The following UNC13C variants were observed in gnomAD, a reference collection of about 807,000 sequenced individuals.
UNC13C encodes protein unc-13 homolog C.
A neutral mutation model predicts 245.4 loss-of-function variants in UNC13C; 174 were observed. That is an observed-to-expected ratio of 0.71 (90% CI 0.63 to 0.80). The LOEUF (loss-of-function observed/expected upper bound fraction) is 0.80, where lower values mean the gene tolerates loss of function less well. Ranked by LOEUF, UNC13C falls within the 30% of genes least tolerant of loss-of-function variation. UNC13C has a pLI of 0.00. For missense variants in UNC13C, 2,829 were observed against 2,602.9 expected, an observed-to-expected ratio of 1.09 and a Z score of -1.89; for synonymous variants, 992 against 895.1, an observed-to-expected ratio of 1.11 and a Z score of -1.93.
intron 19 of UNC13C, among the ~76,000 whole-genome samples, chr15:54,443,529 G>T (rs546711840): frequency 1.3e-5 from 2 of 152,058 alleles, no homozygotes; most frequent in East Asian, 3.9e-4. Context: ...CTTTTTTGAT[G>T]TCAGCATTTA....
chr15:54,056,146 A>C (rs148302927), intron 2 of UNC13C, among the ~76,000 whole-genome samples: 124 of 152,312 alleles, frequency 8.1e-4, no homozygotes, highest in African/African-American at 2.9e-3. Flanking sequence ...AAGGCTTCAG[A>C]AGCTCAAACT....
intron 2 of UNC13C, among the ~76,000 whole-genome samples, chr15:54,104,195 A>G (rs1595860188): frequency 6.6e-6 from 1 of 152,164 alleles, no homozygotes; most frequent in Non-Finnish European, 1.5e-5. Context: ...GTTAGCACTC[A>G]TTCTAGGAAT....
rs141632208 is a variant in UNC13C, at chr15:54,418,545, T to C, written c.4933+3478T>C. 1.8e-4 allele frequency among the ~76,000 whole-genome samples: 28 copies of C among 152,190 alleles called. 1 individual carries two copies. Among genetic ancestry groups the C allele is most frequent in the Admixed American group, 1.0e-3 (16 of 15,274 alleles). On this transcript the variant is annotated intron_variant, in intron 19 of 32. Coordinates refer to ENST00000260323, the MANE Select transcript of UNC13C (RefSeq NM_001080534.3). Reference sequence around the variant, plus strand: ...TATATCTTATGAGCACCTGGTGCATTTAGGGCTTTCGAAGAGATTAGACAC... The same window carrying C: ...TATATCTTATGAGCACCTGGTGCATCTAGGGCTTTCGAAGAGATTAGACAC...
At chr15:54,375,927 A>ACAG (rs1273988280) in intron 17 of UNC13C, among the ~76,000 whole-genome samples, 1 of 152,238 alleles carries the variant, frequency 6.6e-6, no homozygotes, top group African/African-American at 2.4e-5. Flanking sequence ...AATTTGTTAC[A>ACAG]CAGCAAAAGA....
At chr15:53,985,042 C>T (rs1009260198) in intron 1 of UNC13C, among the ~76,000 whole-genome samples, 9 of 151,900 alleles carry the variant, frequency 5.9e-5, no homozygotes, top group African/African-American at 1.9e-4. Context: ...CATAGGTATA[C>T]GTGTTCATGG....
At chr15:54,398,847 C>G (rs1047862653) in intron 18 of UNC13C, among the ~76,000 whole-genome samples, 1 of 151,424 alleles carries the variant, frequency 6.6e-6, no homozygotes, top group East Asian at 1.9e-4. Flanking sequence ...TGTCTTCTCT[C>G]TTTTGTTCTG....
At chr15:53,955,027 A>G in the UNC13C span, among the ~76,000 whole-genome samples, 1 of 152,200 alleles carries the variant, frequency 6.6e-6, no homozygotes, top group Non-Finnish European at 1.5e-5. Context: ...GGCTCTACTT[A>G]TAACATTTTC....
chr15:54,251,760 T>A (rs1043146836), intron 8 of UNC13C, among the ~76,000 whole-genome samples: 1 of 152,168 alleles, frequency 6.6e-6, no homozygotes, highest in African/African-American at 2.4e-5. Context: ...CAATGTAAGA[T>A]ATGTGGATTG....
At chr15:54,271,047 T>C (rs1360049687) in intron 10 of UNC13C, among the ~76,000 whole-genome samples, 1 of 152,206 alleles carries the variant, frequency 6.6e-6, no homozygotes, top group Non-Finnish European at 1.5e-5. Context: ...ATTTTAATGC[T>C]AAATAATTTC....
chr15:53,930,213 C>A, the UNC13C span, among the ~76,000 whole-genome samples: 1 of 152,154 alleles, frequency 6.6e-6, no homozygotes, highest in African/African-American at 2.4e-5. Context: ...TGGCCCCTTT[C>A]TTCATGGCCT....
At chr15:53,886,346 A>T in the UNC13C span, among the ~76,000 whole-genome samples, 1 of 152,030 alleles carries the variant, frequency 6.6e-6, no homozygotes, top group Non-Finnish European at 1.5e-5. Context: ...ACAAAAACAA[A>T]CCCAAACCTA....
intron 2 of UNC13C, among the ~76,000 whole-genome samples, chr15:54,085,319 G>A (rs890892936): frequency 6.6e-6 from 1 of 152,108 alleles, no homozygotes; most frequent in African/African-American, 2.4e-5. Flanking sequence ...TTGCACTTTT[G>A]ACAGGCCCTT....
At position 54,415,034 on chromosome 15, in the gene UNC13C, C is replaced by G; in HGVS notation, c.4900C>G (p.Leu1634Val). Residue 1634 changes from leucine (L) to valine (V), a missense_variant, in exon 19 of 33, where the codon CTT (leucine) becomes GTT (valine). Transcript: ENST00000260323. ...GKISAEIMWT[L>V]FALDMKYALE... is the part of the protein sequence containing the mutation. ...AATAAGTGCCGAAATTATGTGGACT[C>G]TTTTTGCTCTGGATATGAAATATGC... The G allele has an allele frequency of 6.2e-7, 1 of 1,612,490 alleles. No individual in the cohort carries two copies. Among genetic ancestry groups the G allele is most frequent in the Admixed American group, 1.7e-5 (1 of 59,842 alleles).
chr15:54,550,810 C>T (rs1370179900), intron 28 of UNC13C, among the ~76,000 whole-genome samples: 1 of 152,112 alleles, frequency 6.6e-6, no homozygotes, highest in Admixed American at 6.6e-5. Context: ...TTATTACCTC[C>T]CTGGGATTTC....
chr15:53,952,433 T>TC, the UNC13C span, among the ~76,000 whole-genome samples: 2 of 152,234 alleles, frequency 1.3e-5, no homozygotes, highest in Non-Finnish European at 2.9e-5. Flanking sequence ...GTTCATTCTC[T>TC]CTTCCCCCAT....
At chr15:53,846,356 A>G in the UNC13C span, among the ~76,000 whole-genome samples, 2 of 152,140 alleles carry the variant, frequency 1.3e-5, no homozygotes, top group South Asian at 4.1e-4. Flanking sequence ...ATCAAGTTCA[A>G]TTTTTATGGT....
At chr15:54,241,198 G>C (rs560107379) in intron 7 of UNC13C, among the ~76,000 whole-genome samples, 2 of 152,270 alleles carry the variant, frequency 1.3e-5, no homozygotes, top group Admixed American at 1.3e-4. Flanking sequence ...TGTTGGTTCT[G>C]TCTGGGTTGA....
chr15:54,632,533 T>C (rs898324700), downstream of UNC13C: 5 of 152,240 alleles, frequency 3.3e-5, no homozygotes, highest in African/African-American at 4.8e-5. Flanking sequence ...GAGTTAAGGT[T>C]CATCTATAAT....
At chr15:54,151,744 C>T (rs1424751407) in intron 4 of UNC13C, among the ~76,000 whole-genome samples, 1 of 152,156 alleles carries the variant, frequency 6.6e-6, no homozygotes, top group Non-Finnish European at 1.5e-5. Flanking sequence ...CCACGATGCA[C>T]ACAATGGTTC....
Sources: allele counts gnomAD v4.1 joint callset (sites outside exome capture counted in the v4.1 genomes callset), GRCh38; gene constraint gnomAD v4.1.1; transcripts MANE v1.5; gene names NCBI Gene and HGNC (gene_info 2026-07-23, HGNC 2026-07-21).